Variants in CCDC169 observed in about 807,000 individuals in gnomAD.
CCDC169 encodes coiled-coil domain containing 169, also known as coiled-coil domain-containing protein 169.
In CCDC169, 30 loss-of-function variants were observed where a neutral mutation model predicts 36.0. That is an observed-to-expected ratio of 0.83 (90% CI 0.62 to 1.13). The LOEUF (loss-of-function observed/expected upper bound fraction) is 1.13, where lower values mean the gene tolerates loss of function less well. Among genes scored for constraint, CCDC169 ranks in the 50% most tolerant of loss-of-function variants. The probability of loss-of-function intolerance (pLI) is 0.00; values close to 1 mark genes in which losing one functional copy is unlikely to be tolerated. For missense variants in CCDC169, 245 were observed against 245.9 expected, an observed-to-expected ratio of 1.00 and a Z score of 0.03; for synonymous variants, 85 against 81.5, an observed-to-expected ratio of 1.04 and a Z score of -0.23.
At chr13:36,272,420 T>C (rs1467984940) in intron 4 of CCDC169, among the ~76,000 whole-genome samples, 2 of 152,120 alleles carry the variant, frequency 1.3e-5, no homozygotes, top group Non-Finnish European at 2.9e-5. Flanking sequence ...ACAAAAGTAG[T>C]AACACATGTA....
At chr13:36,227,379 A>G, downstream of CCDC169, 1 of 1,543,838 alleles carries the variant, frequency 6.5e-7, no homozygotes, top group East Asian at 2.4e-5. Flanking sequence ...TTTTAAGAGG[A>G]GGCTGTTTGA....
downstream of CCDC169, chr13:36,226,160 A>G (rs960976184): frequency 7.2e-5 from 11 of 152,340 alleles, no homozygotes; most frequent in African/African-American, 2.6e-4. Context: ...ACTATTCACA[A>G]TAGTAAAGAT....
intron 4 of CCDC169, among the ~76,000 whole-genome samples, chr13:36,266,573 G>A (rs1359915015): frequency 6.6e-6 from 1 of 152,168 alleles, no homozygotes; most frequent in Non-Finnish European, 1.5e-5. Flanking sequence ...TCTTTAGCCT[G>A]TTGTTTTACC....
chr13:36,295,826 T>G lies in CCDC169; in HGVS notation c.115A>C (p.Arg39=). 6.5e-7 allele frequency: 1 copy of G among 1,544,250 alleles called. No homozygotes were observed. Among genetic ancestry groups the G allele is most frequent in the Non-Finnish European group, 8.8e-7 (1 of 1,141,434 alleles). The change falls in exon 2 of 8, where the codon AGA becomes CGA. Residue 39 remains arginine, a synonymous_variant. Transcript: ENST00000239859. ...GCTTCCAGTTCCGTAATCTTGTGTC[T>G]TAGTTCAAATATTGAGAGTTGCACT... is the stretch of plus-strand genomic sequence containing the variant. The part of the protein sequence containing the change: ...DAVQLSIFEL[R]HKITELEAKL...
chr13:36,280,765 T>A lies in CCDC169; in HGVS notation c.315+2704A>T, dbSNP rs541742582. On this transcript the variant is annotated intron_variant, in intron 4 of 7. Transcript: ENST00000239859. ...TTTTCTATACCTTTTATTTTCCAAA[T>A]AATATCAGCTGAATACATGTTGAAC... 2.6e-5 allele frequency: 4 copies of A among 152,374 alleles called. No individual in the cohort carries two copies. The South Asian group carries it at 8.3e-4, about 32-fold the overall frequency. 9.4% of individuals were successfully genotyped at this position (152,374 alleles called of 1,614,324 possible).
At chr13:36,290,428 CTTA>C (rs1044155993) in intron 2 of CCDC169, among the ~76,000 whole-genome samples, 26 of 152,116 alleles carry the variant, frequency 1.7e-4, no homozygotes, top group African/African-American at 5.3e-4. Flanking sequence ...CTAGGCAGGG[CTTA>C]TTACCTTTTT....
At chr13:36,229,538 A>AT (rs1227370434), downstream of CCDC169, among the ~76,000 whole-genome samples, 21 of 74,224 alleles carry the variant, frequency 2.8e-4, no homozygotes, top group African/African-American at 6.9e-4. Context: ...TATTATAATA[A>AT]TGTTTTTTTT....
At chr13:36,261,286 C>T (rs961127942) in intron 4 of CCDC169, among the ~76,000 whole-genome samples, 2 of 152,150 alleles carry the variant, frequency 1.3e-5, no homozygotes, top group African/African-American at 4.8e-5. Flanking sequence ...CAAGACTAAT[C>T]TAGTACTGCT....
Position 36,295,840 on chromosome 13 carries a change from G to A in CCDC169, c.101C>T (p.Ser34Leu). The A allele has an allele frequency of 6.5e-7, 1 of 1,538,616 alleles. No individual in the cohort carries two copies. Among genetic ancestry groups the A allele is most frequent in the Non-Finnish European group, 8.8e-7 (1 of 1,137,158 alleles). Residue 34 changes from serine to leucine, a missense_variant, in exon 2 of 8, where the codon TCA (serine) becomes TTA (leucine). Coordinates refer to ENST00000239859, the MANE Select transcript of CCDC169 (RefSeq NM_001144981.3). ...AATCTTGTGTCTTAGTTCAAATATT[G>A]AGAGTTGCACTGCATCCCTGTTATT... Reference protein sequence around the residue: ...EVRKKDAVQLSIFELRHKITE... With the variant: ...EVRKKDAVQLLIFELRHKITE...
chr13:36,265,531 C>T (rs974030757), intron 4 of CCDC169, among the ~76,000 whole-genome samples: 8 of 152,222 alleles, frequency 5.3e-5, no homozygotes, highest in Non-Finnish European at 8.8e-5. Context: ...CCCCATAAGA[C>T]ACCCAGTTTC....
At chr13:36,251,460 C>T (rs955610923) in intron 6 of CCDC169, among the ~76,000 whole-genome samples, 3 of 151,972 alleles carry the variant, frequency 2.0e-5, no homozygotes, top group South Asian at 2.1e-4. Context: ...AGTGATCCTG[C>T]GGAGTCAGAG....
chr13:36,232,710 G>A (rs1176138849), intron 7 of CCDC169, among the ~76,000 whole-genome samples: 9 of 62,752 alleles, frequency 1.4e-4, no homozygotes, highest in African/African-American at 3.9e-4. Flanking sequence ...GCGAGACTCC[G>A]TCTCAAAAAA....
At chr13:36,295,682 AT>A (rs1555255405) in intron 2 of CCDC169, 95 bp downstream of exon 2, 1 of 604,356 alleles carries the variant, frequency 1.7e-6, no homozygotes, top group Non-Finnish European at 2.8e-6. Flanking sequence ...TGTTGGTACT[AT>A]TATTCAATAT....
intron 7 of CCDC169, among the ~76,000 whole-genome samples, chr13:36,239,008 T>C (rs928402643): frequency 2.6e-5 from 4 of 152,118 alleles, no homozygotes; most frequent in East Asian, 3.9e-4. Context: ...AGGTGGGAGA[T>C]TGCTTGAGCC....
chr13:36,224,978 A>T (rs1046025517), downstream of CCDC169: 13 of 152,122 alleles, frequency 8.5e-5, no homozygotes, highest in Admixed American at 7.2e-4. Flanking sequence ...GAACCCAGGA[A>T]AAAAAAGCCA....
At chr13:36,235,367 G>C (rs1870948024) in intron 7 of CCDC169, among the ~76,000 whole-genome samples, 1 of 151,634 alleles carries the variant, frequency 6.6e-6, no homozygotes, top group African/African-American at 2.4e-5. Flanking sequence ...GCTTATTTGG[G>C]GTTTAGTTTG....
intron 4 of CCDC169, among the ~76,000 whole-genome samples, chr13:36,282,184 G>A (rs1054598606): frequency 6.6e-6 from 1 of 152,064 alleles, no homozygotes; most frequent in African/African-American, 2.4e-5. Context: ...AAAGAATCGG[G>A]AAATTTACAG....
At chr13:36,268,078 A>G (rs986056579) in intron 4 of CCDC169, among the ~76,000 whole-genome samples, 10 of 152,210 alleles carry the variant, frequency 6.6e-5, no homozygotes, top group African/African-American at 2.2e-4. Context: ...TCAGACAGAA[A>G]GTCAACAAAC....
chr13:36,283,439 TTCTTTG>T (rs1337324515), intron 4 of CCDC169, 24 bp downstream of exon 4: 1 of 1,532,228 alleles, frequency 6.5e-7, no homozygotes, highest in African/African-American at 1.4e-5. Context: ...CCTTCAATTA[TTCTTTG>T]TGTTTAATCA....
Sources: gnomAD v4.1 joint callset for allele counts (sites outside exome capture counted in the v4.1 genomes callset) on GRCh38, gnomAD v4.1.1 for gene constraint, MANE v1.5 for transcripts, NCBI Gene and HGNC (gene_info 2026-07-23, HGNC 2026-07-21) for gene names.